SYN2: variants seen among roughly 807,000 people sequenced by gnomAD.
The protein encoded by SYN2 is synapsin-2.
Under a neutral mutation model 50.9 loss-of-function variants are expected in SYN2, and 19 were observed. The observed-to-expected ratio is 0.37, with a 90% CI of 0.26 to 0.55. The LOEUF is 0.55. Ranked by LOEUF, SYN2 falls within the 20% of genes least tolerant of loss-of-function variation. SYN2 has a pLI of 0.81. For synonymous variants in SYN2, 255 were observed against 224.9 expected (o/e 1.13, Z -1.20); for missense variants, 587 against 576.4 (o/e 1.02, Z -0.19).
intron 10 of SYN2, among the ~76,000 whole-genome samples, chr3:12,182,939 A>G (rs1698256456): frequency 6.6e-6 from 1 of 152,246 alleles, no homozygotes; most frequent in Non-Finnish European, 1.5e-5. Context: ...CCAGGCCTGT[A>G]CGTAGAAGTG....
intron 1 of SYN2, among the ~76,000 whole-genome samples, chr3:12,060,934 TA>T (rs2125162228): frequency 6.6e-6 from 1 of 152,282 alleles, no homozygotes; most frequent in East Asian, 1.9e-4. Context: ...ATCTTGGAAT[TA>T]ACAAGCAGGA....
chr3:12,158,446 T>C (rs1416085792), intron 5 of SYN2, among the ~76,000 whole-genome samples: 1 of 152,188 alleles, frequency 6.6e-6, no homozygotes, highest in Non-Finnish European at 1.5e-5. Flanking sequence ...CACTCCATAA[T>C]TGCAGTATGG....
At chr3:12,080,312 C>T (rs982728757) in intron 1 of SYN2, among the ~76,000 whole-genome samples, 2 of 151,640 alleles carry the variant, frequency 1.3e-5, no homozygotes, top group African/African-American at 2.4e-5. Context: ...TTCAGTCCCA[C>T]TCTGAGCTTG....
rs532097102 is a variant in SYN2, at chr3:12,136,397, A to G, written c.378-4254A>G. 2.0e-5 allele frequency among the ~76,000 whole-genome samples: 3 copies of G among 152,360 alleles called. No homozygotes were observed. The South Asian group carries it at 6.2e-4, about 32-fold the overall frequency. ...TTAAGATCACCATTAGCCCTATTTT[A>G]TAAATGACACAACTAAGACTCAGAG... On this transcript the variant is annotated intron_variant, in intron 1 of 12. Transcript: ENST00000621198.
intron 1 of SYN2, among the ~76,000 whole-genome samples, chr3:12,106,319 G>T (rs1396245417): frequency 6.6e-6 from 1 of 152,194 alleles, no homozygotes; most frequent in Non-Finnish European, 1.5e-5. Context: ...TGTGTAATTA[G>T]ATGAGGCCCA....
At chr3:12,067,473 C>T (rs1334279390) in intron 1 of SYN2, among the ~76,000 whole-genome samples, 1 of 152,200 alleles carries the variant, frequency 6.6e-6, no homozygotes, top group African/African-American at 2.4e-5. Context: ...CATGGCATCA[C>T]AACATCAATT....
intron 10 of SYN2, among the ~76,000 whole-genome samples, chr3:12,181,745 A>C (rs1157149432): frequency 1.3e-5 from 2 of 152,254 alleles, no homozygotes; most frequent in African/African-American, 2.4e-5. Flanking sequence ...TTAGGAGACT[A>C]TTCTAGCAAG....
chr3:12,138,024 C>G (rs544300498), intron 1 of SYN2, among the ~76,000 whole-genome samples: 3 of 152,292 alleles, frequency 2.0e-5, no homozygotes, highest in Admixed American at 6.5e-5. Context: ...ATTCCAGAGC[C>G]CATCCTCTGG....
intron 3 of SYN2, among the ~76,000 whole-genome samples, chr3:12,142,226 G>A: frequency 6.6e-6 from 1 of 152,244 alleles, no homozygotes; most frequent in East Asian, 1.9e-4. Flanking sequence ...TTCACAGACT[G>A]AGAGCTCACT....
intron 1 of SYN2, among the ~76,000 whole-genome samples, chr3:12,080,170 GTCTATTTGATTCT>G (rs562999940): frequency 6.6e-6 from 1 of 151,860 alleles, no homozygotes; most frequent in Non-Finnish European, 1.5e-5. Context: ...ATTTTTTATT[GTCTATTTGATTCT>G]TCTCTCTTTT....
chr3:12,132,155 T>C (rs34831171), intron 1 of SYN2, among the ~76,000 whole-genome samples: 28,597 of 151,618 alleles, frequency 0.19, 3,630 homozygotes, highest in African/African-American at 0.36. Context: ...TGCAGGCACA[T>C]GCCATAGCAC....
At chr3:12,138,478 A>C (rs1203754497) in intron 1 of SYN2, among the ~76,000 whole-genome samples, 1 of 152,232 alleles carries the variant, frequency 6.6e-6, no homozygotes, top group African/African-American at 2.4e-5. Context: ...AAAATAAATG[A>C]GTGAATTAAG....
chr3:12,116,881 G>A (rs866959329), intron 1 of SYN2, among the ~76,000 whole-genome samples: 42 of 152,208 alleles, frequency 2.8e-4, no homozygotes, highest in Middle Eastern at 3.4e-3. Context: ...CTCACGAGTA[G>A]GTGGGACTAC....
chr3:12,070,165 C>T (rs1274102609), intron 1 of SYN2: 3 of 326,140 alleles, frequency 9.2e-6, no homozygotes, highest in East Asian at 7.8e-5. Flanking sequence ...CAGTCGCTGC[C>T]GCCAGCCCGT....
At chr3:12,149,259 G>T (rs549033764) in intron 4 of SYN2, among the ~76,000 whole-genome samples, 1 of 152,216 alleles carries the variant, frequency 6.6e-6, no homozygotes, top group Non-Finnish European at 1.5e-5. Context: ...GACAGAGGTC[G>T]TTTGGCAGAG....
intron 1 of SYN2, among the ~76,000 whole-genome samples, chr3:12,064,611 A>G (rs570065778): frequency 1.7e-4 from 26 of 152,274 alleles, no homozygotes; most frequent in African/African-American, 5.8e-4. Context: ...CAAAAGGTCA[A>G]TAGTGCATGA....
chr3:12,024,663 T>C (rs307607), intron 1 of SYN2, among the ~76,000 whole-genome samples: 111,416 of 152,068 alleles, frequency 0.73, 41,073 homozygotes, highest in Admixed American at 0.8. Flanking sequence ...TCTCTGAATA[T>C]ATCACAGTTT....
intron 1 of SYN2, among the ~76,000 whole-genome samples, chr3:12,103,857 C>T (rs78300434): frequency 0.045 from 6,903 of 152,160 alleles, 223 homozygotes; most frequent in Middle Eastern, 0.1. Context: ...AAAGCACAGT[C>T]GAGTTCAGGC....
intron 4 of SYN2, among the ~76,000 whole-genome samples, chr3:12,147,119 A>G (rs1454428591): frequency 1.3e-5 from 2 of 152,174 alleles, no homozygotes; most frequent in Admixed American, 1.3e-4. Flanking sequence ...CTGGATTGCC[A>G]AGGTTCCTGG....
Sources: gnomAD v4.1 joint callset for allele counts (sites outside exome capture counted in the v4.1 genomes callset) on GRCh38, gnomAD v4.1.1 for gene constraint, MANE v1.5 for transcripts, NCBI Gene and HGNC (gene_info 2026-07-23, HGNC 2026-07-21) for gene names.